Variants in FOXK1 observed in about 807,000 individuals in gnomAD.
FOXK1 encodes forkhead box protein K1.
FOXK1 carries 19 observed loss-of-function variants against 51.9 expected under a neutral mutation model. The ratio of observed to expected loss-of-function variants is 0.37; its 90% CI spans 0.26 to 0.54. The LOEUF (loss-of-function observed/expected upper bound fraction) is 0.54. Ranked by LOEUF, FOXK1 falls within the 20% of genes least tolerant of loss-of-function variation. The pLI is 0.87. For missense variants in FOXK1, 870 were observed against 1,032.7 expected (o/e 0.84, Z 2.16); for synonymous variants, 537 against 482.6 (o/e 1.11, Z -1.48).
chr7:4,727,769 C>T (rs975350593), intron 1 of FOXK1, among the ~76,000 whole-genome samples: 3 of 152,212 alleles, frequency 2.0e-5, no homozygotes, highest in Non-Finnish European at 4.4e-5. Context: ...GGTGGGAACC[C>T]GCGCACGGAG....
rs1455504121 is a variant in FOXK1 at position 4,743,661 on chromosome 7, G to A, written c.746+2638G>A. 1.3e-5 allele frequency among the ~76,000 whole-genome samples: 2 copies of A among 152,222 alleles called. No individual in the cohort carries two copies. Among genetic ancestry groups the A allele is most frequent in the East Asian group, 1.9e-4 (1 of 5,200 alleles). ...CACCTAGTACCACCTTAAAGGCGCT[G>A]TAGAAATGGTGGCCAAGACCAGCTC... On this transcript the variant is annotated intron_variant, in intron 2 of 8. Coordinates refer to ENST00000328914, the MANE Select transcript of FOXK1 (RefSeq NM_001037165.2). This position sits in a 1 kb window ranked among gnomAD's most constrained non-coding sequence, Gnocchi z 5.3.
intron 1 of FOXK1, among the ~76,000 whole-genome samples, chr7:4,737,479 GGTGTGGGCGTGTGCGTGGGT>G (rs1225093024): frequency 1.3e-5 from 2 of 150,578 alleles, no homozygotes; most frequent in Non-Finnish European, 3.0e-5. Flanking sequence ...TGTGTGCGTG[GGTGTGGGCGTGTGCGTGGGT>G]GTGTGGGCGT....
rs1332924251 is a variant in FOXK1 at position 4,741,033 on chromosome 7, C to A, written c.746+10C>A. The A allele has an allele frequency of 1.3e-6, 2 of 1,497,222 alleles. No homozygotes were observed. Among genetic ancestry groups the A allele is most frequent in the Non-Finnish European group, 1.8e-6 (2 of 1,128,640 alleles). The allele number at this position is 1,497,222 out of a possible 1,614,324, so 92.7% of individuals were successfully genotyped here. ...CGACGGGCACCATCAGGTGAGTAGC[C>A]CCCCAGCCTGCCCTTGGGCCCCCAG... On this transcript the variant is annotated intron_variant, in intron 2 of 8. Transcript: ENST00000328914.
intron 1 of FOXK1, among the ~76,000 whole-genome samples, chr7:4,713,309 G>T (rs751914911): frequency 1.3e-5 from 2 of 149,358 alleles, no homozygotes; most frequent in Non-Finnish European, 2.9e-5. Flanking sequence ...GTTGGGGCGG[G>T]CTGGGATTCC....
intron 1 of FOXK1, among the ~76,000 whole-genome samples, chr7:4,699,785 A>G (rs1306939127): frequency 6.6e-6 from 1 of 152,202 alleles, no homozygotes; most frequent in Non-Finnish European, 1.5e-5. Flanking sequence ...TACAAGTGTT[A>G]AAATATTAAT....
In FOXK1 at chr7:4,768,964, G is replaced by A. The variant is rs1781056826; in HGVS notation, c.*6500G>A. 1 of 152,162 alleles carries A rather than the reference G, an allele frequency of 6.6e-6. No individual in the cohort carries two copies. The allele number at this position is 152,162 out of a possible 1,614,324, so 9.4% of individuals were successfully genotyped here. Reference sequence around the variant, plus strand: ...CTGAGTGTGACCTGGAAGCTCTGTGGGTCACCAAGACTGGCATTTTCCTTG... The same window carrying A: ...CTGAGTGTGACCTGGAAGCTCTGTGAGTCACCAAGACTGGCATTTTCCTTG... On this transcript the variant is annotated 3_prime_UTR_variant, in exon 9 of 9. Coordinates refer to ENST00000328914, the MANE Select transcript of FOXK1 (RefSeq NM_001037165.2).
chr7:4,697,615 C>G (rs941377821), intron 1 of FOXK1, among the ~76,000 whole-genome samples: 3 of 152,142 alleles, frequency 2.0e-5, no homozygotes, highest in East Asian at 3.9e-4. Flanking sequence ...GGTTCATCAG[C>G]ACCTTTTATT....
At chr7:4,714,120 C>T (rs1780207015) in intron 1 of FOXK1, among the ~76,000 whole-genome samples, 2 of 152,098 alleles carry the variant, frequency 1.3e-5, no homozygotes, top group Non-Finnish European at 2.9e-5. Flanking sequence ...GCCACTGTGC[C>T]CAGCCTCTTG....
At position 4,758,540 on chromosome 7, in the gene FOXK1, C is replaced by G. The variant is rs971997457; in HGVS notation, c.1245-511C>G. The G allele has an allele frequency of 6.5e-6, 1 of 153,906 alleles. No homozygotes were observed. The highest frequency in any genetic ancestry group is 1.4e-5 in the Non-Finnish European group (1 of 69,262). 9.5% of individuals were successfully genotyped at this position (153,906 alleles called of 1,614,324 possible). On this transcript the variant is annotated intron_variant, in intron 5 of 8. Coordinates refer to ENST00000328914, the MANE Select transcript of FOXK1 (RefSeq NM_001037165.2). The surrounding 1 kb of genome is among the most constrained non-coding windows in gnomAD (Gnocchi z 4.4). ...GAAATATCTGAAAATTCATTTCGAG[C>G]ACAGGGTCTGGCATTGTGATTCTCA...
intron 1 of FOXK1, among the ~76,000 whole-genome samples, chr7:4,736,675 G>C (rs921068061): frequency 1.3e-5 from 2 of 152,172 alleles, no homozygotes; most frequent in African/African-American, 4.8e-5. Flanking sequence ...TGGCCACTCA[G>C]AGTGCTCGGA....
At chr7:4,718,292 C>T (rs1009842631) in intron 1 of FOXK1, among the ~76,000 whole-genome samples, 3 of 152,214 alleles carry the variant, frequency 2.0e-5, no homozygotes, top group Non-Finnish European at 4.4e-5. Context: ...GCCATCCCCA[C>T]CGTGGCGGCC....
intron 1 of FOXK1, among the ~76,000 whole-genome samples, chr7:4,698,162 G>T (rs1171496694): frequency 6.6e-6 from 1 of 152,030 alleles, no homozygotes; most frequent in Non-Finnish European, 1.5e-5. Flanking sequence ...TGAAAAAGTT[G>T]CACGCCTCCA....
chr7:4,692,669 C>T (rs746242333), intron 1 of FOXK1, among the ~76,000 whole-genome samples: 9 of 152,220 alleles, frequency 5.9e-5, no homozygotes, highest in Non-Finnish European at 1.3e-4. Flanking sequence ...CTGCCTCAGC[C>T]ACCCAAAGTG....
chr7:4,741,427 CAAG>C (rs1341672044), intron 2 of FOXK1, among the ~76,000 whole-genome samples: 1 of 152,094 alleles, frequency 6.6e-6, no homozygotes, highest in Non-Finnish European at 1.5e-5. Flanking sequence ...CTCCCGGGTT[CAAG>C]GGATTCTCTT....
At position 4,685,133 on chromosome 7, in the gene FOXK1, T is replaced by G. The variant is rs28738872; in HGVS notation, c.560+2265T>G. ...TGAGCAATATCTATGTAGGCAGCAA[T>G]GTAAAATTTACAAGAACAAAGCAAA... is the stretch of plus-strand genomic sequence containing the variant. On this transcript the variant is annotated intron_variant, in intron 1 of 8. Transcript: ENST00000328914. Among the ~76,000 whole-genome samples the G allele has an allele frequency of 5.9e-3, 891 of 151,730 alleles. 13 individuals are homozygous for G. Among genetic ancestry groups the G allele is most frequent in the African/African-American group, 0.02 (823 of 41,370 alleles).
intron 6 of FOXK1, 46 bp from the exon 7 acceptor site, chr7:4,759,265 T>C (rs774528295): frequency 6.2e-7 from 1 of 1,605,602 alleles, no homozygotes; most frequent in East Asian, 2.2e-5. Context: ...GCGGGACTCG[T>C]GGGGGTGCGG....
intron 1 of FOXK1, among the ~76,000 whole-genome samples, chr7:4,713,725 C>G (rs556958878): frequency 2.0e-5 from 3 of 152,016 alleles, no homozygotes; most frequent in African/African-American, 7.2e-5. Flanking sequence ...CTCCTGACCT[C>G]GTGATCTGCC....
At chr7:4,721,119 G>C (rs1220451603) in intron 1 of FOXK1, among the ~76,000 whole-genome samples, 5 of 152,154 alleles carry the variant, frequency 3.3e-5, no homozygotes, top group Non-Finnish European at 7.3e-5. Flanking sequence ...GTTGCCGTAA[G>C]TGCTTTCCCG....
At chr7:4,757,869 G>A (rs1780876687) in intron 5 of FOXK1, 1 of 152,046 alleles carries the variant, frequency 6.6e-6, no homozygotes, top group Non-Finnish European at 1.5e-5. Flanking sequence ...AAGTACCGAG[G>A]GGTGACTGCT....
Sources: allele counts gnomAD v4.1 joint callset (sites outside exome capture counted in the v4.1 genomes callset), GRCh38; gene constraint gnomAD v4.1.1; non-coding constraint Gnocchi (gnomAD v3.1); transcripts MANE v1.5; gene names NCBI Gene and HGNC (gene_info 2026-07-23, HGNC 2026-07-21).